KLHL32: variants seen among roughly 807,000 people sequenced by gnomAD.
The protein encoded by KLHL32 is kelch like family member 32.
KLHL32 carries 35 observed loss-of-function variants against 64.8 expected under a neutral mutation model. That is an observed-to-expected ratio of 0.54 (90% CI 0.41 to 0.72). KLHL32 has a LOEUF of 0.72. Among genes scored for constraint, KLHL32 ranks in the 30% least tolerant of loss-of-function variants. The probability of loss-of-function intolerance (pLI) is 0.00; values close to 1 mark genes in which losing one functional copy is unlikely to be tolerated. For missense variants in KLHL32, 589 were observed against 768.5 expected (o/e 0.77, Z 2.76); for synonymous variants, 259 against 281.0 (o/e 0.92, Z 0.78).
At chr6:96,943,902 C>T (rs1771635270) in intron 1 of KLHL32, among the ~76,000 whole-genome samples, 1 of 152,186 alleles carries the variant, frequency 6.6e-6, no homozygotes, top group African/African-American at 2.4e-5. Flanking sequence ...TAGCCAGCTT[C>T]TTCAGATCTA....
At chr6:96,898,694 G>GA in the KLHL32 span, among the ~76,000 whole-genome samples, 230 of 147,722 alleles carry the variant, frequency 1.6e-3, 2 homozygotes, top group Middle Eastern at 3.4e-3. Context: ...TAAGACGTCA[G>GA]AAAAAAAAAA....
intron 3 of KLHL32, among the ~76,000 whole-genome samples, chr6:97,007,798 G>GTTCT (rs1779853859): frequency 1.3e-5 from 2 of 152,290 alleles, no homozygotes; most frequent in Admixed American, 1.3e-4. Context: ...ACTCTGGGGG[G>GTTCT]CTGGCAGTGG....
At chr6:97,044,528 T>A (rs1332625418) in intron 4 of KLHL32, among the ~76,000 whole-genome samples, 1 of 152,190 alleles carries the variant, frequency 6.6e-6, no homozygotes, top group Non-Finnish European at 1.5e-5. Context: ...ATAAAATGAA[T>A]TTGAAAGTAT....
chr6:97,096,045 T>G (rs1436904793), intron 6 of KLHL32, among the ~76,000 whole-genome samples: 1 of 152,148 alleles, frequency 6.6e-6, no homozygotes, highest in Non-Finnish European at 1.5e-5. Context: ...CAAATTTTGC[T>G]AAATATTGCA....
At chr6:96,907,230 C>T in the KLHL32 span, among the ~76,000 whole-genome samples, 1 of 152,130 alleles carries the variant, frequency 6.6e-6, no homozygotes. Flanking sequence ...AACAAATCTC[C>T]AGGTACTCTT....
chr6:97,139,575 C>T lies in KLHL32; in HGVS notation c.*293C>T, dbSNP rs1800460247. 1 of 278,222 alleles carries T rather than the reference C, an allele frequency of 3.6e-6. No homozygotes were observed. The highest frequency in any genetic ancestry group is 2.2e-5 in the African/African-American group (1 of 45,054). The allele number at this position is 278,222 out of a possible 1,614,324, so 17.2% of individuals were successfully genotyped here. The stretch of plus-strand genomic sequence containing the variant: ...GCATTCTTTGTACACTTTTTCTAAT[C>T]AGCACTGTCTTAAGACAACATAACA... On this transcript the variant is annotated 3_prime_UTR_variant, in exon 11 of 11. Transcript: ENST00000369261.
At chr6:97,108,369 C>T (rs1796684671) in intron 6 of KLHL32, among the ~76,000 whole-genome samples, 2 of 152,090 alleles carry the variant, frequency 1.3e-5, no homozygotes, top group Admixed American at 6.6e-5. Context: ...TTTTTTCAAG[C>T]TTAAGCACCG....
intron 5 of KLHL32, among the ~76,000 whole-genome samples, chr6:97,076,292 G>A (rs539376790): frequency 6.6e-6 from 1 of 152,202 alleles, no homozygotes; most frequent in Non-Finnish European, 1.5e-5. Context: ...CGCTCAGTGA[G>A]TATGGACTAT....
intron 3 of KLHL32, chr6:96,994,415 A>G (rs746666368): frequency 6.7e-5 from 49 of 733,794 alleles, no homozygotes; most frequent in Non-Finnish European, 7.3e-5. Context: ...CAAATTATTT[A>G]TGTTTTTTTT....
At chr6:96,973,694 C>T (rs941587663) in intron 2 of KLHL32, among the ~76,000 whole-genome samples, 1 of 145,356 alleles carries the variant, frequency 6.9e-6, no homozygotes, top group African/African-American at 2.5e-5. Context: ...GGTTTTTTCC[C>T]CTTAAGCATA....
chr6:96,901,791 T>A, the KLHL32 span, among the ~76,000 whole-genome samples: 1 of 152,328 alleles, frequency 6.6e-6, no homozygotes, highest in African/African-American at 2.4e-5. Context: ...TGTGTGTATG[T>A]GTTCTCATCA....
At chr6:97,129,139 T>G (rs1353818718) in intron 8 of KLHL32, among the ~76,000 whole-genome samples, 1 of 152,218 alleles carries the variant, frequency 6.6e-6, no homozygotes, top group Non-Finnish European at 1.5e-5. Context: ...TACAAATCAC[T>G]TCTTTTCTTG....
intron 4 of KLHL32, among the ~76,000 whole-genome samples, chr6:97,056,850 G>A (rs899304045): frequency 1.3e-5 from 2 of 152,060 alleles, no homozygotes; most frequent in Non-Finnish European, 2.9e-5. Context: ...ACCAGGCTGG[G>A]CAACATAGCA....
chr6:96,949,455 G>C (rs956439833), intron 1 of KLHL32, among the ~76,000 whole-genome samples: 1 of 151,974 alleles, frequency 6.6e-6, no homozygotes, highest in Non-Finnish European at 1.5e-5. Flanking sequence ...CATCTACCCC[G>C]ACCAGCCTTT....
chr6:97,114,841 G>A (rs761704744), intron 7 of KLHL32, among the ~76,000 whole-genome samples: 43 of 152,192 alleles, frequency 2.8e-4, no homozygotes, highest in Non-Finnish European at 4.4e-4. Flanking sequence ...GTTTATCTAG[G>A]TCCTTTGCTT....
chr6:96,908,773 G>T, the KLHL32 span, among the ~76,000 whole-genome samples: 2 of 151,690 alleles, frequency 1.3e-5, no homozygotes, highest in East Asian at 2.0e-4. Flanking sequence ...TCTTGCCACT[G>T]TCCTGCCCCC....
At chr6:96,907,968 T>C in the KLHL32 span, among the ~76,000 whole-genome samples, 3 of 152,204 alleles carry the variant, frequency 2.0e-5, no homozygotes, top group Admixed American at 1.3e-4. Context: ...CAAAGATACA[T>C]GGACTCATAA....
chr6:96,919,782 T>G (rs1469814668), upstream of KLHL32, among the ~76,000 whole-genome samples: 1 of 152,150 alleles, frequency 6.6e-6, no homozygotes, highest in Non-Finnish European at 1.5e-5. Flanking sequence ...AAGAGCCACA[T>G]CATCCCCCTT....
At chr6:97,125,063 G>A (rs906079992) in intron 7 of KLHL32, among the ~76,000 whole-genome samples, 3 of 152,210 alleles carry the variant, frequency 2.0e-5, no homozygotes, top group Admixed American at 6.5e-5. Context: ...TTGAGGGCAG[G>A]AGGCTCATGT....
Sources: gnomAD v4.1 joint callset for allele counts (sites outside exome capture counted in the v4.1 genomes callset) on GRCh38, gnomAD v4.1.1 for gene constraint, MANE v1.5 for transcripts, NCBI Gene and HGNC (gene_info 2026-07-23, HGNC 2026-07-21) for gene names.